The following CUX2 variants were observed in gnomAD, a reference collection of about 807,000 sequenced individuals.
The protein encoded by CUX2 is homeobox protein cut-like 2.
In CUX2, 40 loss-of-function variants were observed where a neutral mutation model predicts 144.8. The ratio of observed to expected loss-of-function variants is 0.28; its 90% confidence interval spans 0.21 to 0.36. CUX2 has a LOEUF of 0.36. Ranked by LOEUF, CUX2 falls within the 10% of genes least tolerant of loss-of-function variation. CUX2 has a pLI of 1.00. For missense variants in CUX2, 1,615 were observed against 1,994.0 expected (o/e 0.81, Z 3.62); for synonymous variants, 827 against 875.6 (o/e 0.94, Z 0.98).
chr12:111,304,447 A>C lies in CUX2; in HGVS notation c.858+133A>C. 1.4e-6 allele frequency: 1 copy of C among 702,690 alleles called. No homozygotes were observed. The highest frequency in any genetic ancestry group is 2.5e-6 in the Non-Finnish European group (1 of 401,126). 43.5% of individuals were successfully genotyped at this position (702,690 alleles called of 1,614,324 possible). A position where few individuals can be genotyped will look rare whatever the true frequency, so the allele number is the denominator to read the frequency against. On this transcript the variant is annotated intron_variant, in intron 10 of 21. Transcript: ENST00000261726. This position sits in a 1 kb window ranked among gnomAD's most constrained non-coding sequence, Gnocchi z 4.7. ...CATCCATTTGAAACTGGGAGTGTGA[A>C]TGTGTGTGGGTCTCTGTGCATACGG... is the stretch of plus-strand genomic sequence containing the variant.
rs1323554707 is a variant in CUX2 at position 111,322,463 on chromosome 12, C to A, written c.2809C>A (p.Arg937=). ...SQGSVSDMLS[R]PKPWSKLTQK... ...GGGCAGCGTGAGCGACATGCTGTCC[C>A]GGCCGAAGCCATGGAGCAAGCTGAC... is the stretch of plus-strand genomic sequence containing the variant. The change falls in exon 18 of 22, where the codon CGG becomes AGG. Residue 937 remains arginine (R), a synonymous_variant. Transcript: ENST00000261726. The surrounding 1 kb of genome is among the most constrained non-coding windows in gnomAD (Gnocchi z 4.2). 6.3e-7 allele frequency: 1 copy of A among 1,581,564 alleles called. No individual in the cohort carries two copies. Among genetic ancestry groups the A allele is most frequent in the East Asian group, 2.3e-5 (1 of 43,458 alleles).
chr12:111,153,602 G>C, intron 1 of CUX2, among the ~76,000 whole-genome samples: 1 of 152,062 alleles, frequency 6.6e-6, no homozygotes, highest in Non-Finnish European at 1.5e-5. Flanking sequence ...TTATACAATG[G>C]AACCACCATT....
chr12:111,132,343 C>T (rs1263261906), intron 1 of CUX2, among the ~76,000 whole-genome samples: 5 of 152,130 alleles, frequency 3.3e-5, no homozygotes, highest in African/African-American at 1.2e-4. Flanking sequence ...ACTTTTTCCT[C>T]CTAGACCTCT....
In CUX2 at chr12:111,310,534, G is replaced by T. The variant is rs539297356; in HGVS notation, c.1752G>T (p.Ser584=). The change falls in exon 15 of 22, where the codon TCG becomes TCT. Residue 584 remains serine (S), a synonymous_variant. Transcript: ENST00000261726. This position sits in a 1 kb window ranked among gnomAD's most constrained non-coding sequence, Gnocchi z 7.9. ...TTGGGCATTACGTGCTGGGGCTGTC[G>T]CAGGGCTCGGTCAGCGAGATCCTAG... ...RVFGHYVLGL[S]QGSVSEILAR... is the part of the protein sequence containing the mutation. 5.6e-6 allele frequency: 9 copies of T among 1,614,042 alleles called. No homozygotes were observed. In the South Asian group the frequency reaches 7.7e-5, roughly 14 times the overall value.
intron 18 of CUX2, among the ~76,000 whole-genome samples, chr12:111,330,176 G>A (rs747574433): frequency 5.9e-5 from 9 of 152,244 alleles, no homozygotes; most frequent in East Asian, 1.9e-4. Flanking sequence ...GAGACCTCAC[G>A]GTCACAAAGG....
At chr12:111,098,095 G>A (rs962558528) in intron 1 of CUX2, among the ~76,000 whole-genome samples, 5 of 152,142 alleles carry the variant, frequency 3.3e-5, no homozygotes, top group Non-Finnish European at 5.9e-5. Flanking sequence ...GAGGAGGGTC[G>A]TAGGGGTAAG....
chr12:111,240,098 C>T (rs980090893), intron 3 of CUX2, among the ~76,000 whole-genome samples: 2 of 152,224 alleles, frequency 1.3e-5, no homozygotes, highest in African/African-American at 2.4e-5. Context: ...TTGCTATTCT[C>T]GCCACTTTAC....
At chr12:111,158,761 A>C (rs1877555471) in intron 1 of CUX2, among the ~76,000 whole-genome samples, 1 of 152,182 alleles carries the variant, frequency 6.6e-6, no homozygotes, top group South Asian at 2.1e-4. Context: ...CTTTCTACTT[A>C]AAGAAAAAAA....
chr12:111,127,941 C>T (rs560886430), intron 1 of CUX2, among the ~76,000 whole-genome samples: 16 of 152,270 alleles, frequency 1.1e-4, no homozygotes, highest in South Asian at 8.3e-4. Flanking sequence ...CCTCATGATT[C>T]AGTTATCTCC....
intron 1 of CUX2, among the ~76,000 whole-genome samples, chr12:111,156,797 G>GT (rs1007824801): frequency 5.5e-4 from 83 of 152,156 alleles, no homozygotes; most frequent in African/African-American, 2.0e-3. Context: ...GACCAAAATG[G>GT]TGAGACCCCA....
Position 111,310,527 on chromosome 12 carries a change from G to C in CUX2, c.1745G>C (p.Gly582Ala). The stretch of plus-strand genomic sequence containing the variant: ...CGGGTGTTTGGGCATTACGTGCTGG[G>C]GCTGTCGCAGGGCTCGGTCAGCGAG... ...GQRVFGHYVLGLSQGSVSEIL... is the reference protein window; with the variant it reads ...GQRVFGHYVLALSQGSVSEIL... Residue 582 changes from glycine to alanine, a missense_variant, in exon 15 of 22, where the codon GGG becomes GCG. Physicochemically the swap from Gly to Ala is moderately conservative, Grantham distance 60 (BLOSUM62 0). Coordinates refer to ENST00000261726, the MANE Select transcript of CUX2 (RefSeq NM_015267.4). This position sits in a 1 kb window ranked among gnomAD's most constrained non-coding sequence, Gnocchi z 7.9. 1 of 1,614,088 alleles carries C rather than the reference G, an allele frequency of 6.2e-7. No homozygotes were observed. The highest frequency in any genetic ancestry group is 8.5e-7 in the Non-Finnish European group (1 of 1,180,016).
chr12:111,181,167 C>T (rs1879149409), intron 1 of CUX2, among the ~76,000 whole-genome samples: 1 of 152,260 alleles, frequency 6.6e-6, no homozygotes, highest in South Asian at 2.1e-4. Flanking sequence ...GGTGGTCTGT[C>T]AGAGGCGGTT....
In CUX2 at chr12:111,106,561, A is replaced by G. The variant is rs139892249; in HGVS notation, c.63+72321A>G. On this transcript the variant is annotated intron_variant, in intron 1 of 21. Coordinates refer to ENST00000261726, the MANE Select transcript of CUX2 (RefSeq NM_015267.4). ...AATCCTCTCACCTCAGCCCCAAAGT[A>G]TTGGAATTACAGGTGTGCACCACCA... 5.3e-5 allele frequency among the ~76,000 whole-genome samples: 8 copies of G among 152,358 alleles called. No individual in the cohort carries two copies. The East Asian group carries it at 1.5e-3, about 29-fold the overall frequency.
At position 111,289,089 on chromosome 12, in the gene CUX2, C is replaced by T. The variant is rs1172101480; in HGVS notation, c.302-2329C>T. The stretch of plus-strand genomic sequence containing the variant: ...AATGAGCTGAGATCACGCCACTGCA[C>T]TCCAGCCTGGGCAACAGAGCCAGAT... On this transcript the variant is annotated intron_variant, in intron 4 of 21. Coordinates refer to ENST00000261726, the MANE Select transcript of CUX2 (RefSeq NM_015267.4). The surrounding 1 kb of genome is among the most constrained non-coding windows in gnomAD (Gnocchi z 4.1). Among the ~76,000 whole-genome samples the T allele has an allele frequency of 3.9e-5, 6 of 152,176 alleles. No homozygotes were observed.
chr12:111,304,399 G>A lies in CUX2; in HGVS notation c.858+85G>A. On this transcript the variant is annotated intron_variant, in intron 10 of 21. Transcript: ENST00000261726. The surrounding 1 kb of genome is among the most constrained non-coding windows in gnomAD (Gnocchi z 4.7). Reference sequence around the variant, plus strand: ...AGTTTGCAGGTTTCAGCATGTGGGTGACACTTTGTGGTTGATTGTGTGCAT... The same window carrying A: ...AGTTTGCAGGTTTCAGCATGTGGGTAACACTTTGTGGTTGATTGTGTGCAT... 9.0e-7 allele frequency: 1 copy of A among 1,114,874 alleles called. No individual in the cohort carries two copies. The allele number at this position is 1,114,874 out of a possible 1,614,324, so 69.1% of individuals were successfully genotyped here. A position where few individuals can be genotyped will look rare whatever the true frequency, so the allele number is the denominator to read the frequency against.
chr12:111,074,669 G>C (rs867756358), intron 1 of CUX2, among the ~76,000 whole-genome samples: 1 of 152,028 alleles, frequency 6.6e-6, no homozygotes, highest in Admixed American at 6.5e-5. Flanking sequence ...GGAGGGAAGT[G>C]GGGGGTTGTG....
chr12:111,320,803 T>TG lies in CUX2; in HGVS notation c.2766+31dup. On this transcript the variant is annotated intron_variant, in intron 17 of 21. Coordinates refer to ENST00000261726, the MANE Select transcript of CUX2 (RefSeq NM_015267.4). The surrounding 1 kb of genome is among the most constrained non-coding windows in gnomAD (Gnocchi z 8.1). Reference sequence around the variant, plus strand: ...GAGTGCAGGGCGGGCCCCCGGTGTCTGGGCTCTGGGAGAAGATGTCGGAGA... The same window carrying TG: ...GAGTGCAGGGCGGGCCCCCGGTGTCTGGGGCTCTGGGAGAAGATGTCGGAGA... The TG allele has an allele frequency of 6.8e-7, 1 of 1,469,854 alleles. No individual in the cohort carries two copies. 91.1% of individuals were successfully genotyped at this position (1,469,854 alleles called of 1,614,324 possible).
intron 1 of CUX2, among the ~76,000 whole-genome samples, chr12:111,143,735 G>A (rs1002245125): frequency 1.4e-5 from 2 of 146,046 alleles, no homozygotes; most frequent in Non-Finnish European, 2.9e-5. Flanking sequence ...ATCAATGTGC[G>A]TCCCTGTGCT....
intron 3 of CUX2, among the ~76,000 whole-genome samples, chr12:111,233,028 A>G (rs1450567653): frequency 1.3e-5 from 2 of 152,180 alleles, no homozygotes; most frequent in Non-Finnish European, 2.9e-5. Flanking sequence ...GGAGGAAGTG[A>G]CCTGTGTATG....
Sources: allele counts gnomAD v4.1 joint callset (sites outside exome capture counted in the v4.1 genomes callset), GRCh38; gene constraint gnomAD v4.1.1; non-coding constraint Gnocchi (gnomAD v3.1); transcripts MANE v1.5; gene names NCBI Gene and HGNC (gene_info 2026-07-23, HGNC 2026-07-21).